The following CDH13 variants were observed in gnomAD, a reference collection of about 807,000 sequenced individuals.
The protein encoded by CDH13 is cadherin 13.
In CDH13, 24 loss-of-function variants were observed where a neutral mutation model predicts 63.8. That is an observed-to-expected ratio of 0.38 (90% CI 0.27 to 0.53). The LOEUF is 0.53. CDH13 is among the 20% of genes least tolerant of loss of function. The probability of loss-of-function intolerance (pLI) is 0.85; values close to 1 mark genes in which losing one functional copy is unlikely to be tolerated. For synonymous variants in CDH13, 503 were observed against 355.3 expected (o/e 1.42, Z -4.67); for missense variants, 1,049 against 903.1 (o/e 1.16, Z -2.07).
chr16:83,116,371 G>T lies in CDH13; in HGVS notation c.367-9014G>T, dbSNP rs972055228. 2.6e-5 allele frequency among the ~76,000 whole-genome samples: 4 copies of T among 152,236 alleles called. No individual in the cohort carries two copies. In the East Asian group the frequency reaches 7.7e-4, roughly 29 times the overall value. ...GAGTTGCTGACTGCAGGTAGCTGGAGGCCTCAGCCTTCCTGGGCAGCAGGG... is the reference window on the plus strand; with the variant it reads ...GAGTTGCTGACTGCAGGTAGCTGGATGCCTCAGCCTTCCTGGGCAGCAGGG... On this transcript the variant is annotated intron_variant, in intron 3 of 13. Transcript: ENST00000567109.
intron 1 of CDH13, among the ~76,000 whole-genome samples, 166 bp downstream of exon 1, chr16:82,627,303 G>C (rs1334315424): frequency 1.3e-5 from 2 of 149,380 alleles, no homozygotes; most frequent in Non-Finnish European, 3.0e-5. Context: ...GAGATCCTAG[G>C]CACCCCCCAC....
intron 2 of CDH13, among the ~76,000 whole-genome samples, chr16:82,928,850 CACTT>C (rs976091112): frequency 6.6e-5 from 10 of 152,174 alleles, no homozygotes; most frequent in Admixed American, 3.3e-4. Flanking sequence ...GAACTGAAAA[CACTT>C]AGCCTCTTTT....
chr16:83,787,436 C>G (rs1200625739), intron 13 of CDH13, among the ~76,000 whole-genome samples: 4 of 152,232 alleles, frequency 2.6e-5, no homozygotes, highest in Admixed American at 2.6e-4. Context: ...CTGAACCCCG[C>G]TCTGCTCCAT....
chr16:83,457,938 C>G (rs937179720), intron 6 of CDH13, among the ~76,000 whole-genome samples: 2 of 152,208 alleles, frequency 1.3e-5, no homozygotes, highest in African/African-American at 4.8e-5. Context: ...GAACCCTCAT[C>G]GGACATACGC....
intron 2 of CDH13, among the ~76,000 whole-genome samples, chr16:82,960,840 C>G (rs935800871): frequency 6.6e-6 from 1 of 151,996 alleles, no homozygotes; most frequent in Non-Finnish European, 1.5e-5. Flanking sequence ...ATTGTTAATA[C>G]AAATAAGTCT....
intron 3 of CDH13, among the ~76,000 whole-genome samples, chr16:83,054,892 A>T (rs975831016): frequency 3.3e-5 from 5 of 152,144 alleles, no homozygotes; most frequent in Admixed American, 3.3e-4. Flanking sequence ...AAGGGTATGC[A>T]TTCTGCAGTG....
intron 3 of CDH13, among the ~76,000 whole-genome samples, chr16:83,054,361 A>C (rs778999463): frequency 3.9e-5 from 6 of 152,226 alleles, no homozygotes; most frequent in Non-Finnish European, 5.9e-5. Context: ...TGCCAGCATC[A>C]CTAATCTTGA....
At chr16:83,215,614 C>A (rs1180532267) in intron 4 of CDH13, among the ~76,000 whole-genome samples, 1 of 149,672 alleles carries the variant, frequency 6.7e-6, no homozygotes, top group Non-Finnish European at 1.5e-5. Context: ...GAATTGCAGG[C>A]TTGGCGGCAG....
intron 3 of CDH13, among the ~76,000 whole-genome samples, chr16:83,043,824 C>G (rs573366503): frequency 1.6e-4 from 22 of 139,486 alleles, no homozygotes; most frequent in African/African-American, 4.3e-4. Flanking sequence ...AAGTGTGACT[C>G]TATCTCAAAA....
At position 83,795,309 on chromosome 16, in the gene CDH13, C is replaced by T; in HGVS notation, c.*279C>T. On this transcript the variant is annotated 3_prime_UTR_variant, in exon 14 of 14. Transcript: ENST00000567109. ...GATCTTCTGGGAGCAGGAACAATGA[C>T]TACTTTTTCTGGTGTGTTAACATGT... The T allele has an allele frequency of 4.5e-6, 2 of 446,088 alleles. No individual in the cohort carries two copies. The highest frequency in any genetic ancestry group is 8.1e-6 in the Non-Finnish European group (2 of 248,058). 27.6% of individuals were successfully genotyped at this position (446,088 alleles called of 1,614,324 possible).
At chr16:83,151,222 A>G (rs1255467989) in intron 4 of CDH13, among the ~76,000 whole-genome samples, 1 of 152,240 alleles carries the variant, frequency 6.6e-6, no homozygotes, top group South Asian at 2.1e-4. Context: ...CACATAATTG[A>G]ACAGTGGTGA....
At chr16:82,876,462 A>G (rs894807707) in intron 2 of CDH13, among the ~76,000 whole-genome samples, 1 of 152,224 alleles carries the variant, frequency 6.6e-6, no homozygotes, top group Non-Finnish European at 1.5e-5. Flanking sequence ...TTTCTTAGTA[A>G]TATAATGAAA....
rs566800720 is a variant in CDH13 at position 83,701,715 on chromosome 16, C to A, written c.1538+23254C>A. ...CTCAGGACGTTACTACGATCCAGCC[C>A]CACTTCAGCACCACGGTCAGCACCC... On this transcript the variant is annotated intron_variant, in intron 10 of 13. Transcript: ENST00000567109. Among the ~76,000 whole-genome samples, 89 of 152,286 alleles carry A rather than the reference C, an allele frequency of 5.8e-4. No homozygotes were observed. In the South Asian group the frequency reaches 6.0e-3, roughly 10 times the overall value.
intron 6 of CDH13, among the ~76,000 whole-genome samples, chr16:83,463,303 C>G (rs2073226732): frequency 6.6e-6 from 1 of 152,172 alleles, no homozygotes; most frequent in Non-Finnish European, 1.5e-5. Flanking sequence ...GTAAAGTACC[C>G]AAAATGCAGC....
intron 10 of CDH13, among the ~76,000 whole-genome samples, chr16:83,705,424 C>T (rs1364581307): frequency 6.6e-6 from 1 of 152,048 alleles, no homozygotes. Context: ...AGATGGAGAC[C>T]ATCCTGGCTA....
chr16:83,508,689 C>G (rs1451917659), intron 7 of CDH13, among the ~76,000 whole-genome samples: 1 of 152,164 alleles, frequency 6.6e-6, no homozygotes, highest in Non-Finnish European at 1.5e-5. Flanking sequence ...GATAATCTGC[C>G]CATTGCCACC....
At chr16:83,172,422 C>G (rs59267887) in intron 4 of CDH13, among the ~76,000 whole-genome samples, 9,517 of 151,936 alleles carry the variant, frequency 0.063, 536 homozygotes, top group African/African-American at 0.14. Context: ...ACCCCAGAGG[C>G]GGAGGTTGCA....
At chr16:83,283,307 A>G (rs1212265664) in intron 5 of CDH13, among the ~76,000 whole-genome samples, 1 of 152,200 alleles carries the variant, frequency 6.6e-6, no homozygotes, top group Non-Finnish European at 1.5e-5. Context: ...GTTCCACAGA[A>G]TGGCTGGGTA....
At chr16:82,993,074 C>G (rs1200855434) in intron 2 of CDH13, among the ~76,000 whole-genome samples, 2 of 152,042 alleles carry the variant, frequency 1.3e-5, no homozygotes, top group Non-Finnish European at 2.9e-5. Context: ...CTTACCAGGC[C>G]CTATCTTCTG....
Sources: allele counts gnomAD v4.1 joint callset (sites outside exome capture counted in the v4.1 genomes callset), GRCh38; gene constraint gnomAD v4.1.1; transcripts MANE v1.5; gene names NCBI Gene and HGNC (gene_info 2026-07-23, HGNC 2026-07-21).